KLF12: variants seen among roughly 807,000 people sequenced by gnomAD.
The protein encoded by KLF12 is Krueppel-like factor 12.
A neutral mutation model predicts 37.8 loss-of-function variants in KLF12; 9 were observed. The ratio of observed to expected loss-of-function variants is 0.24; its 90% CI spans 0.14 to 0.42. The LOEUF (loss-of-function observed/expected upper bound fraction) is 0.42. KLF12 is among the 10% of genes least tolerant of loss of function. KLF12 has a pLI of 1.00. For missense variants in KLF12, 411 were observed against 516.0 expected (o/e 0.80, Z 1.97); for synonymous variants, 208 against 202.1 (o/e 1.03, Z -0.25).
chr13:73,712,148 G>C (rs1408662472), intron 7 of KLF12, among the ~76,000 whole-genome samples: 2 of 152,012 alleles, frequency 1.3e-5, no homozygotes, highest in Non-Finnish European at 2.9e-5. Context: ...AGACCAGCCT[G>C]ACCAACATGA....
chr13:74,102,348 T>C (rs1300308525), intron 1 of KLF12, among the ~76,000 whole-genome samples: 1 of 151,394 alleles, frequency 6.6e-6, no homozygotes, highest in African/African-American at 2.4e-5. Flanking sequence ...AAGGGGAAAA[T>C]GGTGCCTTTG....
At chr13:73,788,437 A>C (rs557811210) in intron 5 of KLF12, among the ~76,000 whole-genome samples, 1 of 152,270 alleles carries the variant, frequency 6.6e-6, no homozygotes, top group East Asian at 1.9e-4. Context: ...TGGCCTATAG[A>C]AAACAATAAA....
At chr13:73,773,268 T>C (rs1880383940) in intron 5 of KLF12, among the ~76,000 whole-genome samples, 1 of 152,038 alleles carries the variant, frequency 6.6e-6, no homozygotes, top group African/African-American at 2.4e-5. Flanking sequence ...TCTTCTCGAT[T>C]GACTTTAAAC....
the KLF12 span, among the ~76,000 whole-genome samples, chr13:74,145,265 T>C: frequency 6.6e-6 from 1 of 152,200 alleles, no homozygotes; most frequent in Non-Finnish European, 1.5e-5. Context: ...CTTGTGATTA[T>C]TTTTTCAATG....
At position 74,035,690 on chromosome 13, in the gene KLF12, A is replaced by C. The variant is rs181635804; in HGVS notation, c.-31-40637T>G. 3.9e-5 allele frequency among the ~76,000 whole-genome samples: 6 copies of C among 152,312 alleles called. No individual in the cohort carries two copies. In the East Asian group the frequency reaches 9.6e-4, roughly 24 times the overall value. ...AAAAATTCATTTCTGAGGGGTTGAA[A>C]GGGGAATGAATTTTTCATCCTAAAA... On this transcript the variant is annotated intron_variant, in intron 1 of 7. Coordinates refer to ENST00000377669, the MANE Select transcript of KLF12 (RefSeq NM_007249.5).
At chr13:74,048,494 T>C (rs1893606023) in intron 1 of KLF12, among the ~76,000 whole-genome samples, 1 of 152,128 alleles carries the variant, frequency 6.6e-6, no homozygotes, top group Non-Finnish European at 1.5e-5. Context: ...GGGAATCCCA[T>C]ACAGCAATGA....
intron 1 of KLF12, among the ~76,000 whole-genome samples, chr13:74,007,115 C>T (rs553422143): frequency 3.5e-4 from 54 of 152,128 alleles, no homozygotes; most frequent in Non-Finnish European, 6.9e-4. Context: ...GACACAAGTA[C>T]TGAATAAAAT....
intron 5 of KLF12, among the ~76,000 whole-genome samples, chr13:73,775,991 G>A (rs7339277): frequency 0.78 from 118,152 of 152,150 alleles, 46,006 homozygotes; most frequent in East Asian, 0.92. Flanking sequence ...CATAATGAAA[G>A]TGGCATAAAC....
the KLF12 span, among the ~76,000 whole-genome samples, chr13:74,224,328 C>T: frequency 3.9e-5 from 6 of 152,290 alleles, no homozygotes; most frequent in Admixed American, 3.3e-4. Flanking sequence ...ATGTTTCCTA[C>T]ATCCTCAGAT....
the KLF12 span, among the ~76,000 whole-genome samples, chr13:74,212,784 ACT>A: frequency 6.6e-6 from 1 of 152,170 alleles, no homozygotes; most frequent in Non-Finnish European, 1.5e-5. Flanking sequence ...TCACCATTTT[ACT>A]CAGGATCAAT....
chr13:73,733,899 A>G (rs1190283885), intron 6 of KLF12, among the ~76,000 whole-genome samples: 1 of 152,098 alleles, frequency 6.6e-6, no homozygotes, highest in Non-Finnish European at 1.5e-5. Context: ...AAAACATATG[A>G]TGTCCTTTCA....
At chr13:74,202,020 T>G in the KLF12 span, among the ~76,000 whole-genome samples, 1 of 152,148 alleles carries the variant, frequency 6.6e-6, no homozygotes, top group Non-Finnish European at 1.5e-5. Flanking sequence ...TGTCCAGCTC[T>G]GGTGTTAGTG....
intron 1 of KLF12, among the ~76,000 whole-genome samples, chr13:74,054,961 CATG>C (rs769126253): frequency 4.6e-5 from 7 of 152,076 alleles, no homozygotes; most frequent in Non-Finnish European, 1.0e-4. Flanking sequence ...TATTCCAAAA[CATG>C]ATAATACAGC....
rs555173973 is a variant in KLF12 at position 73,725,163 on chromosome 13, C to T, written c.870-9638G>A. ...GTTGCCAAGCTGGAGTGCAGTGGTG[C>T]AATCTCAGCTCACTGCAACCTCCAC... is the stretch of plus-strand genomic sequence containing the variant. On this transcript the variant is annotated intron_variant, in intron 6 of 7. Transcript: ENST00000377669. Among the ~76,000 whole-genome samples, 18 of 152,220 alleles carry T rather than the reference C, an allele frequency of 1.2e-4. No homozygotes were observed. The South Asian group carries it at 3.5e-3, about 30-fold the overall frequency.
the KLF12 span, among the ~76,000 whole-genome samples, chr13:74,290,977 C>T: frequency 6.6e-6 from 1 of 152,182 alleles, no homozygotes; most frequent in Non-Finnish European, 1.5e-5. Flanking sequence ...TGAATATTGT[C>T]CCACTGGCCT....
chr13:73,718,782 T>C (rs1876003486), intron 6 of KLF12, among the ~76,000 whole-genome samples: 1 of 152,116 alleles, frequency 6.6e-6, no homozygotes, highest in Non-Finnish European at 1.5e-5. Context: ...TAGTCCCAGC[T>C]ACTTGGGAGG....
chr13:74,136,209 G>A (rs1285279792), upstream of KLF12, among the ~76,000 whole-genome samples: 1 of 152,180 alleles, frequency 6.6e-6, no homozygotes, highest in African/African-American at 2.4e-5. Flanking sequence ...CGAGGGCGTC[G>A]GGAACCCAGT....
the KLF12 span, among the ~76,000 whole-genome samples, chr13:74,146,363 C>T: frequency 1.3e-5 from 2 of 152,152 alleles, no homozygotes; most frequent in Non-Finnish European, 2.9e-5. Context: ...AAAGAACATG[C>T]TGGACCACAG....
intron 1 of KLF12, among the ~76,000 whole-genome samples, chr13:74,131,645 G>A (rs1295198299): frequency 1.3e-5 from 2 of 152,276 alleles, no homozygotes; most frequent in Admixed American, 6.5e-5. Flanking sequence ...TCAGCTGACT[G>A]CATTGCTAAG....
Sources: gnomAD v4.1 joint callset for allele counts (sites outside exome capture counted in the v4.1 genomes callset) on GRCh38, gnomAD v4.1.1 for gene constraint, MANE v1.5 for transcripts, NCBI Gene and HGNC (gene_info 2026-07-23, HGNC 2026-07-21) for gene names.